Variants in ANXA8 observed in about 807,000 individuals in gnomAD.
The protein encoded by ANXA8 is annexin A8.
In ANXA8, 9 loss-of-function variants were observed where a neutral mutation model predicts 26.8. That is an observed-to-expected ratio of 0.34 (90% CI 0.20 to 0.59). ANXA8 has a LOEUF of 0.59. Among genes scored for constraint, ANXA8 ranks in the 20% least tolerant of loss-of-function variants. The probability of loss-of-function intolerance (pLI) is 0.84; values close to 1 mark genes in which losing one functional copy is unlikely to be tolerated. For synonymous variants in ANXA8, 39 were observed against 94.8 expected, an observed-to-expected ratio of 0.41 and a Z score of 3.42; for missense variants, 83 against 238.5, an observed-to-expected ratio of 0.35 and a Z score of 4.29.
chr10:47,603,556 G>A, the ANXA8 span, among the ~76,000 whole-genome samples: 1 of 146,240 alleles, frequency 6.8e-6, no homozygotes, highest in Non-Finnish European at 1.5e-5. Flanking sequence ...CTGTCACCTA[G>A]GTTGAAGCAC....
At chr10:47,991,751 G>C in the ANXA8 span, 1 of 1,610,034 alleles carries the variant, frequency 6.2e-7, no homozygotes, top group Non-Finnish European at 8.5e-7. Flanking sequence ...GACACAGGTT[G>C]GCCTCTGCTG....
the ANXA8 span, among the ~76,000 whole-genome samples, chr10:47,754,941 CTCTT>C: frequency 2.1e-5 from 1 of 48,130 alleles, no homozygotes; most frequent in African/African-American, 6.3e-5. Context: ...ATTGCTTAAC[CTCTT>C]TCTTTTTCTT....
chr10:47,649,559 C>T, the ANXA8 span, among the ~76,000 whole-genome samples: 3 of 151,374 alleles, frequency 2.0e-5, no homozygotes, highest in East Asian at 5.8e-4. Flanking sequence ...CAGGCACGCA[C>T]CACCACGCCC....
the ANXA8 span, chr10:47,491,602 T>G: frequency 6.6e-7 from 1 of 1,521,112 alleles, no homozygotes; most frequent in Non-Finnish European, 8.9e-7. Context: ...GGGTCCTCAC[T>G]GGCTCCCTCG....
the ANXA8 span, among the ~76,000 whole-genome samples, chr10:47,492,621 C>T: frequency 3.5e-5 from 5 of 142,088 alleles, no homozygotes; most frequent in Non-Finnish European, 4.5e-5. Context: ...ATGGGCATAG[C>T]GTGCCTTCTT....
the ANXA8 span, among the ~76,000 whole-genome samples, chr10:47,533,584 T>TA: frequency 8.2e-6 from 1 of 121,280 alleles, no homozygotes; most frequent in Non-Finnish European, 1.7e-5. Context: ...TGAAGGCAGG[T>TA]AAGACTGGAC....
the ANXA8 span, among the ~76,000 whole-genome samples, chr10:47,615,963 C>A: frequency 2.8e-5 from 2 of 72,466 alleles, 1 homozygote; most frequent in Non-Finnish European, 7.0e-5. Flanking sequence ...AGAAAACAAG[C>A]AATCATCTCA....
chr10:47,469,870 T>C (rs1839268996), intron 11 of ANXA8, among the ~76,000 whole-genome samples: 1 of 150,894 alleles, frequency 6.6e-6, no homozygotes, highest in East Asian at 1.9e-4. Flanking sequence ...CAAACTACAA[T>C]GAAATTTTTT....
the ANXA8 span, among the ~76,000 whole-genome samples, chr10:47,670,132 T>C: frequency 3.2e-4 from 49 of 152,036 alleles, no homozygotes; most frequent in African/African-American, 1.0e-3. Context: ...TTTTGTCACA[T>C]GTTTTCATTT....
the ANXA8 span, among the ~76,000 whole-genome samples, chr10:47,630,464 A>G: frequency 6.7e-6 from 1 of 149,950 alleles, no homozygotes; most frequent in Non-Finnish European, 1.5e-5. Flanking sequence ...AAAATAACAA[A>G]TTAAACTATA....
chr10:47,640,002 G>A, the ANXA8 span, among the ~76,000 whole-genome samples: 2,032 of 143,102 alleles, frequency 0.014, 6 homozygotes, highest in African/African-American at 0.053. Flanking sequence ...GTGTTGCCTA[G>A]GTTGGTCTCA....
the ANXA8 span, among the ~76,000 whole-genome samples, chr10:47,693,161 G>A: frequency 6.6e-6 from 1 of 151,762 alleles, no homozygotes; most frequent in African/African-American, 2.4e-5. Context: ...AAGAAAGAAT[G>A]TGATACAGAG....
At chr10:47,748,777 C>G in the ANXA8 span, among the ~76,000 whole-genome samples, 2 of 149,946 alleles carry the variant, frequency 1.3e-5, no homozygotes, top group Non-Finnish European at 3.0e-5. Flanking sequence ...ACACATTACT[C>G]TCAAAGGAGA....
the ANXA8 span, among the ~76,000 whole-genome samples, chr10:47,891,450 T>A: frequency 7.5e-6 from 1 of 133,548 alleles, no homozygotes; most frequent in East Asian, 2.1e-4. Flanking sequence ...AAGTAAACAT[T>A]TAGAATTTTG....
chr10:47,918,413 GAA>G, the ANXA8 span, among the ~76,000 whole-genome samples: 1 of 31,838 alleles, frequency 3.1e-5, no homozygotes, highest in Admixed American at 2.9e-4. Flanking sequence ...AAGAAAGAAA[GAA>G]AGAAAGAAAG....
chr10:47,660,425 C>T, the ANXA8 span, among the ~76,000 whole-genome samples: 1 of 150,966 alleles, frequency 6.6e-6, no homozygotes, highest in African/African-American at 2.5e-5. Context: ...TAAATTGAGA[C>T]AGTCTCGTCC....
chr10:47,739,047 TA>T, the ANXA8 span, among the ~76,000 whole-genome samples: 7 of 148,788 alleles, frequency 4.7e-5, no homozygotes, highest in South Asian at 4.3e-4. Flanking sequence ...AGCTAGTCAC[TA>T]AAGGGACTTG....
the ANXA8 span, among the ~76,000 whole-genome samples, chr10:47,726,641 AG>A: frequency 6.6e-6 from 1 of 152,192 alleles, no homozygotes; most frequent in African/African-American, 2.4e-5. Context: ...AATAAAATGT[AG>A]TAATTTATCA....
the ANXA8 span, among the ~76,000 whole-genome samples, chr10:47,693,371 G>A: frequency 6.6e-6 from 1 of 150,740 alleles, no homozygotes; most frequent in African/African-American, 2.5e-5. Context: ...CTCACTGCAA[G>A]CTCTGCCTCC....
Sources: allele counts gnomAD v4.1 joint callset (sites outside exome capture counted in the v4.1 genomes callset), GRCh38; gene constraint gnomAD v4.1.1; transcripts MANE v1.5; gene names NCBI Gene and HGNC (gene_info 2026-07-23, HGNC 2026-07-21).